Variants in SIPA1L3 observed in about 807,000 individuals in gnomAD.
SIPA1L3 encodes signal-induced proliferation-associated 1-like protein 3.
Under a neutral mutation model 150.1 loss-of-function variants are expected in SIPA1L3, and 59 were observed. The observed-to-expected ratio is 0.39, with a 90% CI of 0.32 to 0.49. The LOEUF (loss-of-function observed/expected upper bound fraction) is 0.49, where lower values mean the gene tolerates loss of function less well. Ranked by LOEUF, SIPA1L3 falls within the 20% of genes least tolerant of loss-of-function variation. The pLI is 0.86. For synonymous variants in SIPA1L3, 1,070 were observed against 1,077.6 expected, an observed-to-expected ratio of 0.99 and a Z score of 0.14; for missense variants, 2,211 against 2,489.5, an observed-to-expected ratio of 0.89 and a Z score of 2.38.
intron 1 of SIPA1L3, among the ~76,000 whole-genome samples, chr19:37,980,014 G>A (rs979574597): frequency 2.0e-5 from 3 of 152,368 alleles, no homozygotes; most frequent in Admixed American, 6.5e-5. Flanking sequence ...TCCACAGGCC[G>A]GTGGGTGGGG....
chr19:38,020,846 C>T (rs529424496), intron 1 of SIPA1L3, among the ~76,000 whole-genome samples: 4 of 151,968 alleles, frequency 2.6e-5, no homozygotes, highest in Admixed American at 2.0e-4. Context: ...CTCACTCTGT[C>T]GCCCAGGCTG....
intron 1 of SIPA1L3, among the ~76,000 whole-genome samples, chr19:37,934,274 G>A (rs2046580875): frequency 6.6e-6 from 1 of 152,196 alleles, no homozygotes; most frequent in Non-Finnish European, 1.5e-5. Context: ...TCGCGCCGCT[G>A]TAGCATACAT....
In SIPA1L3 at chr19:37,963,388, G is replaced by GCT. The variant is rs375462600; in HGVS notation, c.-379+56030_-379+56031insCT. Among the ~76,000 whole-genome samples the GCT allele has an allele frequency of 5.1e-3, 776 of 152,318 alleles. 9 individuals are homozygous for GCT. Among genetic ancestry groups the GCT allele is most frequent in the African/African-American group, 0.017 (721 of 41,552 alleles). On this transcript the variant is annotated intron_variant, in intron 1 of 21. Transcript: ENST00000222345. ...CCTTGTGTGGCTATCTCATTCCCTG[G>GCT]ATCTTCCTGCTAAATTTCTGGCTGG... is the stretch of plus-strand genomic sequence containing the variant.
chr19:38,115,868 A>G (rs989080896), intron 8 of SIPA1L3, among the ~76,000 whole-genome samples: 1 of 152,178 alleles, frequency 6.6e-6, no homozygotes, highest in Non-Finnish European at 1.5e-5. Flanking sequence ...CTCCTGGACT[A>G]GAAGCTCTGG....
At chr19:38,044,190 G>A (rs975695006) in intron 2 of SIPA1L3, among the ~76,000 whole-genome samples, 7 of 152,236 alleles carry the variant, frequency 4.6e-5, no homozygotes, top group Admixed American at 1.3e-4. Context: ...TTTGCAGGGA[G>A]TGGCAGAAGG....
At chr19:38,123,306 C>G (rs1167125883) in intron 9 of SIPA1L3, among the ~76,000 whole-genome samples, 1 of 141,604 alleles carries the variant, frequency 7.1e-6, no homozygotes, top group Non-Finnish European at 1.5e-5. Context: ...TTGGGTGTTT[C>G]TCACAGAGGG....
intron 8 of SIPA1L3, among the ~76,000 whole-genome samples, chr19:38,111,244 C>G (rs774540809): frequency 1.3e-5 from 2 of 151,936 alleles, no homozygotes; most frequent in Admixed American, 6.6e-5. Flanking sequence ...TTTACCCAGG[C>G]TGGTCTTGAA....
intron 12 of SIPA1L3, among the ~76,000 whole-genome samples, chr19:38,149,630 C>T (rs1375416360): frequency 6.6e-6 from 1 of 152,178 alleles, no homozygotes; most frequent in East Asian, 1.9e-4. Flanking sequence ...CTGTCCTTGG[C>T]CTTTTGCCTC....
intron 1 of SIPA1L3, among the ~76,000 whole-genome samples, chr19:37,950,033 C>A (rs1008461849): frequency 2.1e-5 from 3 of 145,012 alleles, no homozygotes; most frequent in Non-Finnish European, 4.5e-5. Context: ...GCCAAGATGG[C>A]GCCATTGCAC....
chr19:38,124,752 C>A (rs2145907248), intron 9 of SIPA1L3, among the ~76,000 whole-genome samples: 1 of 152,340 alleles, frequency 6.6e-6, no homozygotes, highest in Non-Finnish European at 1.5e-5. Context: ...GCAATCCCGG[C>A]ACCTCGGGAG....
intron 8 of SIPA1L3, among the ~76,000 whole-genome samples, chr19:38,111,584 C>T (rs1025261787): frequency 3.3e-5 from 5 of 152,214 alleles, no homozygotes; most frequent in Admixed American, 1.3e-4. Flanking sequence ...GAAATTACCG[C>T]GGGTCTACCA....
rs762939939 is a variant in SIPA1L3, at chr19:38,182,633, C to A, written c.4323C>A (p.Val1441=). Residue 1441 remains valine, a synonymous_variant, in exon 16 of 22, where the codon GTC becomes GTA. Coordinates refer to ENST00000222345, the MANE Select transcript of SIPA1L3 (RefSeq NM_015073.3). The part of the protein sequence containing the change: ...QPSPFQLSAS[V]PKSFFSKQPV... ...GCCCCTTTCAGCTCTCCGCCTCCGT[C>A]CCCAAGTCCTTCTTCTCCAAGCAGC... The A allele has an allele frequency of 1.1e-5, 18 of 1,614,082 alleles. No homozygotes were observed. Among genetic ancestry groups the A allele is most frequent in the Middle Eastern group, 3.3e-4 (2 of 6,084 alleles).
intron 2 of SIPA1L3, among the ~76,000 whole-genome samples, chr19:38,057,338 A>G (rs855635): frequency 0.37 from 55,121 of 149,882 alleles, 11,281 homozygotes; most frequent in African/African-American, 0.57. Context: ...ACACACACAC[A>G]CGTATATATA....
chr19:38,169,450 A>G (rs1972279083), intron 15 of SIPA1L3, among the ~76,000 whole-genome samples: 2 of 151,418 alleles, frequency 1.3e-5, no homozygotes, highest in African/African-American at 4.8e-5. Flanking sequence ...CCTGCATTCA[A>G]TCCCTCCCTC....
At chr19:38,150,550 T>G (rs1382675531) in intron 12 of SIPA1L3, among the ~76,000 whole-genome samples, 3 of 117,164 alleles carry the variant, frequency 2.6e-5, no homozygotes, top group Non-Finnish European at 5.5e-5. Context: ...TTTTTTTTTT[T>G]GAAATGGAGT....
At chr19:37,946,032 G>A (rs1288679223) in intron 1 of SIPA1L3, among the ~76,000 whole-genome samples, 1 of 152,056 alleles carries the variant, frequency 6.6e-6, no homozygotes, top group Non-Finnish European at 1.5e-5. Flanking sequence ...GCAAGCGCCT[G>A]TAATCCCAGC....
chr19:38,158,679 G>A (rs1202534633), intron 13 of SIPA1L3, among the ~76,000 whole-genome samples: 1 of 152,328 alleles, frequency 6.6e-6, no homozygotes, highest in South Asian at 2.1e-4. Context: ...TAAAGGCAGC[G>A]TTAACCAAAT....
intron 20 of SIPA1L3, 146 bp downstream of exon 20, chr19:38,202,143 C>A: frequency 1.4e-6 from 1 of 736,518 alleles, no homozygotes; most frequent in Non-Finnish European, 2.1e-6. Flanking sequence ...CCCCTCCTAA[C>A]AGACTTGGAA....
chr19:38,201,159 C>T (rs1377054641), intron 19 of SIPA1L3, among the ~76,000 whole-genome samples: 1 of 152,188 alleles, frequency 6.6e-6, no homozygotes, highest in Non-Finnish European at 1.5e-5. Context: ...CCGAGGATTC[C>T]ATTGTCTGGC....
Sources: gnomAD v4.1 joint callset for allele counts (sites outside exome capture counted in the v4.1 genomes callset) on GRCh38, gnomAD v4.1.1 for gene constraint, MANE v1.5 for transcripts, NCBI Gene and HGNC (gene_info 2026-07-23, HGNC 2026-07-21) for gene names.